Variants in PRDM15 observed in about 807,000 individuals in gnomAD.
The protein encoded by PRDM15 is PR/SET domain 15.
Under a neutral mutation model 128.6 loss-of-function variants are expected in PRDM15, and 64 were observed. The observed-to-expected ratio is 0.50, with a 90% CI of 0.41 to 0.61. The LOEUF is 0.61. PRDM15 is among the 20% of genes least tolerant of loss of function. The pLI, the probability that PRDM15 is intolerant of heterozygous loss-of-function variation, is 0.00. For missense variants in PRDM15, 1,242 were observed against 1,569.1 expected (o/e 0.79, Z 3.52); for synonymous variants, 615 against 621.8 (o/e 0.99, Z 0.16).
At chr21:41,864,811 G>A (rs2063942404) in intron 1 of PRDM15, among the ~76,000 whole-genome samples, 1 of 152,018 alleles carries the variant, frequency 6.6e-6, no homozygotes, top group Non-Finnish European at 1.5e-5. Context: ...GCTTCCCACT[G>A]TCCCAGGAAC....
At chr21:41,851,665 A>T (rs574846024) in intron 5 of PRDM15, among the ~76,000 whole-genome samples, 10 of 152,028 alleles carry the variant, frequency 6.6e-5, no homozygotes, top group Non-Finnish European at 1.5e-4. Context: ...CAGCAGGTGG[A>T]CCCCAGGGAA....
At position 41,859,880 on chromosome 21, in the gene PRDM15, A is replaced by T. The variant is rs918296343; in HGVS notation, c.38-195T>A. Among the ~76,000 whole-genome samples the T allele has an allele frequency of 2.0e-5, 3 of 152,148 alleles. No homozygotes were observed. The highest frequency in any genetic ancestry group is 7.2e-5 in the African/African-American group (3 of 41,420). On this transcript the variant is annotated intron_variant, in intron 2 of 23. Coordinates refer to ENST00000398548, the MANE Select transcript of PRDM15 (RefSeq NM_001040424.3). The surrounding 1 kb of genome is among the most constrained non-coding windows in gnomAD (Gnocchi z 5.3). ...CTGTGTCCCGAAGGCCTCTGTCAGC[A>T]CTCGTGCACACATGAGGAGTGCAAA...
Position 41,871,811 on chromosome 21 carries a change from G to A in PRDM15, c.-10+7459C>T, listed in dbSNP as rs144298087. 2,438 of 581,838 alleles carry A rather than the reference G, an allele frequency of 4.2e-3. 37 individuals carry two copies. The highest frequency in any genetic ancestry group is 0.014 in the South Asian group (610 of 44,672). 36.0% of individuals were successfully genotyped at this position (581,838 alleles called of 1,614,324 possible). A position where few individuals can be genotyped will look rare whatever the true frequency, so the allele number is the denominator to read the frequency against. On this transcript the variant is annotated intron_variant, in intron 1 of 23. Transcript: ENST00000398548. ...GTTTCATCACCTCTCCAGCACCCAG[G>A]CTCAGGACGTGCAGACACAGGGGTG...
chr21:41,802,237 C>G (rs1483716518), intron 23 of PRDM15, among the ~76,000 whole-genome samples: 1 of 152,234 alleles, frequency 6.6e-6, no homozygotes, highest in Non-Finnish European at 1.5e-5. Context: ...TGATCAAACA[C>G]TCAGAGGCTT....
At position 41,819,637 on chromosome 21, in the gene PRDM15, C is replaced by G; in HGVS notation, c.2205G>C (p.Glu735Asp). The G allele has an allele frequency of 6.2e-7, 1 of 1,611,680 alleles. No homozygotes were observed. Among genetic ancestry groups the G allele is most frequent in the Non-Finnish European group, 8.5e-7 (1 of 1,179,442 alleles). Residue 735 changes from glutamate (E) to aspartate (D), a missense_variant, in exon 18 of 24, where the codon GAG becomes GAC. Transcript: ENST00000398548. Reference protein sequence around the residue: ...KSFARKDMLKEHMRVHDNVRE... With the variant: ...KSFARKDMLKDHMRVHDNVRE... Reference sequence around the variant, plus strand: ...GGACATTGTCGTGCACACGCATGTGCTCCTTCAGCATGTCCTTCCTGGCAA... The same window carrying G: ...GGACATTGTCGTGCACACGCATGTGGTCCTTCAGCATGTCCTTCCTGGCAA...
chr21:41,831,517 G>A (rs370226313), intron 11 of PRDM15, among the ~76,000 whole-genome samples: 89 of 152,340 alleles, frequency 5.8e-4, no homozygotes, highest in African/African-American at 1.6e-3. Context: ...TTGGGCCTCC[G>A]CATGTGTCTG....
chr21:41,867,233 G>C, intron 1 of PRDM15: 1 of 1,223,988 alleles, frequency 8.2e-7, no homozygotes. Context: ...CCTCTGCTGC[G>C]CCGGTAGTCA....
chr21:41,848,410 G>A (rs2063332401), intron 5 of PRDM15, among the ~76,000 whole-genome samples: 1 of 152,218 alleles, frequency 6.6e-6, no homozygotes, highest in African/African-American at 2.4e-5. Flanking sequence ...AGAAAACGGT[G>A]TGGGGGGCAC....
At chr21:41,822,113 A>C in intron 14 of PRDM15, 76 bp from the exon 15 acceptor site, 1 of 1,588,084 alleles carries the variant, frequency 6.3e-7, no homozygotes, top group Non-Finnish European at 8.6e-7. Flanking sequence ...CGCAGGGACG[A>C]CCAATCATTT....
intron 6 of PRDM15, among the ~76,000 whole-genome samples, chr21:41,845,557 C>T (rs1424373380): frequency 6.6e-6 from 1 of 151,794 alleles, no homozygotes; most frequent in Non-Finnish European, 1.5e-5. Flanking sequence ...GGCTCCAGCC[C>T]TCAAGGCTGC....
At chr21:41,857,408 G>A (rs937270539) in intron 3 of PRDM15, 79 bp from the exon 4 acceptor site, 23 of 1,461,400 alleles carry the variant, frequency 1.6e-5, no homozygotes, top group African/African-American at 1.5e-4. Flanking sequence ...CTAAAAGCTC[G>A]CCCTCACTGA....
chr21:41,820,030 C>A lies in PRDM15; in HGVS notation c.2140+65G>T. ...TGTGTGTAGAATACGCGGAGACCCC[C>A]AGCATCCCTCCCTGCCAGCCCCCTC... On this transcript the variant is annotated intron_variant, in intron 17 of 23. Coordinates refer to ENST00000398548, the MANE Select transcript of PRDM15 (RefSeq NM_001040424.3). 6 of 1,371,048 alleles carry A rather than the reference C, an allele frequency of 4.4e-6. No homozygotes were observed. In the South Asian group the frequency reaches 7.0e-5, roughly 16 times the overall value. The allele number at this position is 1,371,048 out of a possible 1,614,324, so 84.9% of individuals were successfully genotyped here. A position where few individuals can be genotyped will look rare whatever the true frequency, so the allele number is the denominator to read the frequency against.
At chr21:41,872,825 T>C (rs1183277944) in intron 1 of PRDM15, among the ~76,000 whole-genome samples, 1 of 152,102 alleles carries the variant, frequency 6.6e-6, no homozygotes, top group Non-Finnish European at 1.5e-5. Context: ...GCACTGTATT[T>C]AGTGAGAAAT....
chr21:41,819,371 C>T (rs1175517208), intron 18 of PRDM15, among the ~76,000 whole-genome samples: 2 of 150,406 alleles, frequency 1.3e-5, no homozygotes, highest in African/African-American at 4.9e-5. Flanking sequence ...CCCCTCCCAG[C>T]GCCCTGCAGC....
At position 41,859,505 on chromosome 21, in the gene PRDM15, T is replaced by C. The variant is rs150378754; in HGVS notation, c.131+87A>G. On this transcript the variant is annotated intron_variant, in intron 3 of 23. Transcript: ENST00000398548. This position sits in a 1 kb window ranked among gnomAD's most constrained non-coding sequence, Gnocchi z 5.3. ...GTGCCTCTGTTCTCCCTCAGGCTCCTTCCTCCCCGTCTGCAGACCCAAAGG... is the reference window on the plus strand; with the variant it reads ...GTGCCTCTGTTCTCCCTCAGGCTCCCTCCTCCCCGTCTGCAGACCCAAAGG... 7.4e-6 allele frequency: 8 copies of C among 1,078,892 alleles called. No individual in the cohort carries two copies. The highest frequency in any genetic ancestry group is 1.4e-5 in the South Asian group (1 of 70,812). The allele number at this position is 1,078,892 out of a possible 1,614,324, so 66.8% of individuals were successfully genotyped here.
At chr21:41,863,502 CAGTA>C (rs1471886833) in intron 1 of PRDM15, among the ~76,000 whole-genome samples, 2 of 152,126 alleles carry the variant, frequency 1.3e-5, no homozygotes, top group Non-Finnish European at 1.5e-5. Flanking sequence ...CCTGCCATCA[CAGTA>C]AGACCACAGT....
chr21:41,856,169 C>CCCTTCCTTT (rs2063612432), intron 4 of PRDM15, among the ~76,000 whole-genome samples: 1 of 7,658 alleles, frequency 1.3e-4, no homozygotes, highest in Admixed American at 1.2e-3. Context: ...TCCCCTCCCT[C>CCCTTCCTTT]CCTTCCTTCC....
At position 41,828,829 on chromosome 21, in the gene PRDM15, G is replaced by A. The variant is rs1461347107; in HGVS notation, c.1367-496C>T. On this transcript the variant is annotated intron_variant, in intron 11 of 23. Transcript: ENST00000398548. This position sits in a 1 kb window ranked among gnomAD's most constrained non-coding sequence, Gnocchi z 5.7. ...GTTGGCCCCTCCCAACTCCTTCCCCGTGGGCGGGCATCAATGTGCCCATAT... is the reference window on the plus strand; with the variant it reads ...GTTGGCCCCTCCCAACTCCTTCCCCATGGGCGGGCATCAATGTGCCCATAT... 6.6e-6 allele frequency among the ~76,000 whole-genome samples: 1 copy of A among 151,834 alleles called. No individual in the cohort carries two copies. The highest frequency in any genetic ancestry group is 2.4e-5 in the African/African-American group (1 of 41,248).
At chr21:41,844,319 C>T (rs191942640) in intron 6 of PRDM15, among the ~76,000 whole-genome samples, 167 of 151,990 alleles carry the variant, frequency 1.1e-3, no homozygotes, top group Middle Eastern at 3.4e-3. Flanking sequence ...GTGGCACCTC[C>T]GCCCTCAAGA....
Sources: allele counts gnomAD v4.1 joint callset (sites outside exome capture counted in the v4.1 genomes callset), GRCh38; gene constraint gnomAD v4.1.1; non-coding constraint Gnocchi (gnomAD v3.1); transcripts MANE v1.5; gene names NCBI Gene and HGNC (gene_info 2026-07-23, HGNC 2026-07-21).